The following TOX4 variants were observed in gnomAD, a reference collection of about 807,000 sequenced individuals.
The protein encoded by TOX4 is TOX high mobility group box family member 4, also known as epidermal Langerhans cell protein LCP1.
TOX4 carries 12 observed loss-of-function variants against 61.0 expected under a neutral mutation model. The observed-to-expected ratio is 0.20, with a 90% confidence interval of 0.13 to 0.32. The LOEUF (loss-of-function observed/expected upper bound fraction) is 0.32, where lower values mean the gene tolerates loss of function less well. TOX4 is among the 10% of genes least tolerant of loss of function. The probability of loss-of-function intolerance (pLI) is 1.00; values close to 1 mark genes in which losing one functional copy is unlikely to be tolerated. For synonymous variants in TOX4, 268 were observed against 274.8 expected (o/e 0.98, Z 0.24); for missense variants, 499 against 753.3 (o/e 0.66, Z 3.95).
rs1350419719 is a variant in TOX4, at chr14:21,486,467, T to C, written c.76-984T>C. On this transcript the variant is annotated intron_variant, in intron 2 of 8. Coordinates refer to ENST00000448790, the MANE Select transcript of TOX4 (RefSeq NM_014828.4). ...GATTTTATGCATGAAATCTCACTTA[T>C]CCTCATAATAACCATATAAGGGGAT... is the stretch of plus-strand genomic sequence containing the variant. Among the ~76,000 whole-genome samples, 4 of 38,522 alleles carry C rather than the reference T, an allele frequency of 1.0e-4. 2 individuals carry two copies. The highest frequency in any genetic ancestry group is 2.4e-4 in the Non-Finnish European group (4 of 16,456). The allele number at this position is 38,522 out of a possible 152,430, so 25.3% of individuals were successfully genotyped here. A position where few individuals can be genotyped will look rare whatever the true frequency, so the allele number is the denominator to read the frequency against.
chr14:21,490,063 G>A (rs1024590313), intron 5 of TOX4, among the ~76,000 whole-genome samples: 9 of 151,370 alleles, frequency 5.9e-5, no homozygotes, highest in African/African-American at 2.2e-4. Flanking sequence ...GGTCCCAGCT[G>A]TGGAGGCTGA....
intron 2 of TOX4, among the ~76,000 whole-genome samples, chr14:21,481,441 A>C (rs1398448691): frequency 1.3e-5 from 2 of 152,162 alleles, no homozygotes; most frequent in African/African-American, 2.4e-5. Context: ...AACCTCCCAA[A>C]GTGCTGGGAT....
chr14:21,477,235 T>C lies in TOX4; in HGVS notation c.-44T>C. The C allele has an allele frequency of 1.2e-6, 2 of 1,613,334 alleles. No individual in the cohort carries two copies. Among genetic ancestry groups the C allele is most frequent in the Non-Finnish European group, 1.7e-6 (2 of 1,179,750 alleles). On this transcript the variant is annotated 5_prime_UTR_variant, in exon 1 of 9. Transcript: ENST00000448790. Reference sequence around the variant, plus strand: ...GCAGTTCCGAGTCCAGTGGGGGCGGTGGGAGCGATGAGGGTCTGAGACGGT... The same window carrying C: ...GCAGTTCCGAGTCCAGTGGGGGCGGCGGGAGCGATGAGGGTCTGAGACGGT...
chr14:21,489,274 T>G lies in TOX4; in HGVS notation c.681T>G (p.Val227=). The stretch of plus-strand genomic sequence containing the variant: ...ATCCTAATGAACCTCAGAAACCAGT[T>G]TCAGCATATGCTTTATTCTTTCGTG... ...KKDPNEPQKP[V]SAYALFFRDT... Residue 227 remains valine, a synonymous_variant, in exon 5 of 9, where the codon GTT becomes GTG. Transcript: ENST00000448790. 1 of 1,614,156 alleles carries G rather than the reference T, an allele frequency of 6.2e-7. No individual in the cohort carries two copies. Among genetic ancestry groups the G allele is most frequent in the African/African-American group, 1.3e-5 (1 of 75,030 alleles).
At chr14:21,483,693 A>T (rs938377524) in intron 2 of TOX4, among the ~76,000 whole-genome samples, 1 of 151,970 alleles carries the variant, frequency 6.6e-6, no homozygotes, top group African/African-American at 2.4e-5. Flanking sequence ...AAAAAACAAC[A>T]ACAAAACAAC....
At position 21,492,932 on chromosome 14, in the gene TOX4, C is replaced by T. The variant is rs1266878931; in HGVS notation, c.1316C>T (p.Pro439Leu). ...AAAAAASMQLPPPRLQPPPLQ... is the reference protein window; with the variant it reads ...AAAAAASMQLLPPRLQPPPLQ... ...GCTGCTGCTGCTTCTATGCAACTGCCTCCACCCCGACTACAGCCCCCTCCA... is the reference window on the plus strand; with the variant it reads ...GCTGCTGCTGCTTCTATGCAACTGCTTCCACCCCGACTACAGCCCCCTCCA... The change falls in exon 7 of 9, where the codon CCT (proline) becomes CTT (leucine). Residue 439 changes from proline to leucine, a missense_variant. By Grantham distance (98) the Pro-to-Leu change is moderately conservative (BLOSUM62 -3). Coordinates refer to ENST00000448790, the MANE Select transcript of TOX4 (RefSeq NM_014828.4). The T allele has an allele frequency of 6.2e-7, 1 of 1,610,740 alleles. No homozygotes were observed.
intron 2 of TOX4, among the ~76,000 whole-genome samples, chr14:21,487,074 AT>A (rs1336984323): frequency 6.6e-6 from 1 of 152,244 alleles, no homozygotes; most frequent in Non-Finnish European, 1.5e-5. Context: ...TAACTGCTCT[AT>A]TAGAATCTTT....
intron 5 of TOX4, 25 bp from the exon 6 acceptor site, chr14:21,492,271 T>A: frequency 6.3e-7 from 1 of 1,590,026 alleles, no homozygotes; most frequent in Non-Finnish European, 8.5e-7. Flanking sequence ...GTTTTGTTTT[T>A]TTTTTTAAAG....
At chr14:21,494,450 AC>A (rs1891356953) in intron 7 of TOX4, among the ~76,000 whole-genome samples, 2 of 152,140 alleles carry the variant, frequency 1.3e-5, no homozygotes, top group East Asian at 1.9e-4. Flanking sequence ...TACTAACAAT[AC>A]AAAAAATTAG....
At chr14:21,481,247 C>T (rs970444186) in intron 2 of TOX4, among the ~76,000 whole-genome samples, 2 of 152,038 alleles carry the variant, frequency 1.3e-5, no homozygotes, top group South Asian at 2.1e-4. Flanking sequence ...GGTGCGGTCT[C>T]GACTCACTGC....
In TOX4 at chr14:21,487,603, G is replaced by A. The variant is rs1019079314; in HGVS notation, c.228G>A (p.Gln76=). The change falls in exon 3 of 9, where the codon CAG becomes CAA. Residue 76 remains glutamine, a synonymous_variant. Coordinates refer to ENST00000448790, the MANE Select transcript of TOX4 (RefSeq NM_014828.4). ...SSSQDGSFSA[Q]YGVQTLDMPV... ...CACAGGATGGCAGTTTTTCAGCCCA[G>A]TATGGGGTCCAGACATTGGACATGC... 4 of 1,614,190 alleles carry A rather than the reference G, an allele frequency of 2.5e-6. No individual in the cohort carries two copies. Among genetic ancestry groups the A allele is most frequent in the Non-Finnish European group, 3.4e-6 (4 of 1,180,040 alleles).
chr14:21,493,176 G>C lies in TOX4; in HGVS notation c.1560G>C (p.Met520Ile), dbSNP rs1891331179. Residue 520 changes from methionine to isoleucine, a missense_variant, in exon 7 of 9, where the codon ATG becomes ATC. Met to Ile is a conservative substitution (Grantham distance 10, BLOSUM62 1). Coordinates refer to ENST00000448790, the MANE Select transcript of TOX4 (RefSeq NM_014828.4). The part of the protein sequence containing the change: ...PTVESSPERP[M>I]NNSPEAHTVE... The stretch of plus-strand genomic sequence containing the variant: ...TGGAAAGTAGTCCTGAGCGGCCTAT[G>C]AACAACAGCCCTGAGGCCCATACAG... The C allele has an allele frequency of 6.2e-7, 1 of 1,614,154 alleles. No homozygotes were observed. Among genetic ancestry groups the C allele is most frequent in the East Asian group, 2.2e-5 (1 of 44,892 alleles).
chr14:21,482,287 T>C (rs1194254261), intron 2 of TOX4, among the ~76,000 whole-genome samples: 1 of 152,190 alleles, frequency 6.6e-6, no homozygotes, highest in Non-Finnish European at 1.5e-5. Flanking sequence ...TATTTCTGGC[T>C]AAATAGGTAA....
intron 5 of TOX4, 177 bp from the exon 6 acceptor site, chr14:21,492,119 T>TACTC: frequency 1.7e-6 from 1 of 599,674 alleles, no homozygotes; most frequent in Non-Finnish European, 3.0e-6. Context: ...CTCAGTGGAG[T>TACTC]GAGTCTGCCA....
chr14:21,492,238 A>C (rs1891305509), intron 5 of TOX4, 58 bp from the exon 6 acceptor site: 1 of 1,436,770 alleles, frequency 7.0e-7, no homozygotes, highest in East Asian at 2.3e-5. Context: ...CAGAACTATC[A>C]GTCTTTCCTA....
chr14:21,498,230 G>A lies in TOX4; in HGVS notation c.*1624G>A, dbSNP rs778119774. ...GTTTAGCTTACAGAGCCATGGCTAT[G>A]GATTCTTAGCTCTGTAAGGAAGTGC... On this transcript the variant is annotated 3_prime_UTR_variant, in exon 9 of 9. Coordinates refer to ENST00000448790, the MANE Select transcript of TOX4 (RefSeq NM_014828.4). The A allele has an allele frequency of 2.9e-5, 38 of 1,294,118 alleles. No homozygotes were observed. Among genetic ancestry groups the A allele is most frequent in the Non-Finnish European group, 2.8e-5 (25 of 888,564 alleles). The allele number at this position is 1,294,118 out of a possible 1,614,324, so 80.2% of individuals were successfully genotyped here.
chr14:21,477,555 A>C lies in TOX4; in HGVS notation c.66A>C (p.Ser22=). ...CAGGGCCTTCGCACCCCTTCCTGTCAGGGGCCGAGGTGAGCCAGAGCTGCC... is the reference window on the plus strand; with the variant it reads ...CAGGGCCTTCGCACCCCTTCCTGTCCGGGGCCGAGGTGAGCCAGAGCTGCC... ...TITGPSHPFL[S]GAETFHTPSL... is the part of the protein sequence containing the mutation. The change falls in exon 2 of 9, where the codon TCA becomes TCC. Residue 22 remains serine, a synonymous_variant. Transcript: ENST00000448790. The C allele has an allele frequency of 3.1e-6, 5 of 1,613,660 alleles. No homozygotes were observed. The highest frequency in any genetic ancestry group is 4.2e-6 in the Non-Finnish European group (5 of 1,180,016).
At position 21,488,808 on chromosome 14, in the gene TOX4, T is replaced by A; in HGVS notation, c.537T>A (p.Pro179=). Residue 179 remains proline, a synonymous_variant, in exon 4 of 9, where the codon CCT becomes CCA. Transcript: ENST00000448790. The part of the protein sequence containing the change: ...PEDRLSTTPS[P]TSSLHEDGVE... ...ATCGTCTTTCAACCACCCCTTCACC[T>A]ACTAGTTCACTTCACGAGGATGGTG... 1 of 1,614,204 alleles carries A rather than the reference T, an allele frequency of 6.2e-7. No homozygotes were observed. The highest frequency in any genetic ancestry group is 8.5e-7 in the Non-Finnish European group (1 of 1,180,032).
At chr14:21,494,763 A>C (rs1431317092) in intron 7 of TOX4, among the ~76,000 whole-genome samples, 54 of 137,672 alleles carry the variant, frequency 3.9e-4, no homozygotes, top group African/African-American at 1.2e-3. Flanking sequence ...AAAAAAAAAA[A>C]AAAAAATTAG....
Sources: gnomAD v4.1 joint callset for allele counts (sites outside exome capture counted in the v4.1 genomes callset) on GRCh38, gnomAD v4.1.1 for gene constraint, MANE v1.5 for transcripts, NCBI Gene and HGNC (gene_info 2026-07-23, HGNC 2026-07-21) for gene names.